The following SORBS2 variants were observed in gnomAD, a reference collection of about 807,000 sequenced individuals.
The protein encoded by SORBS2 is sorbin and SH3 domain-containing protein 2.
Under a neutral mutation model 97.7 loss-of-function variants are expected in SORBS2, and 46 were observed. The observed-to-expected ratio is 0.47, with a 90% CI of 0.37 to 0.60. The LOEUF is 0.60. SORBS2 is among the 20% of genes least tolerant of loss of function. The pLI is 0.00. For missense variants in SORBS2, 1,316 were observed against 1,282.3 expected (o/e 1.03, Z -0.40); for synonymous variants, 476 against 473.4 (o/e 1.01, Z -0.07).
At chr4:185,771,379 T>A (rs1366944832) in intron 2 of SORBS2, 2 of 152,258 alleles carry the variant, frequency 1.3e-5, no homozygotes, top group African/African-American at 4.8e-5. Context: ...AGTGAGAGCT[T>A]CCTTGTGGGA....
In SORBS2 at chr4:185,595,553, T is replaced by C. The variant is rs577152809; in HGVS notation, c.2797-1618A>G. Among the ~76,000 whole-genome samples the C allele has an allele frequency of 2.0e-5, 3 of 152,280 alleles. No homozygotes were observed. In the South Asian group the frequency reaches 6.2e-4, roughly 32 times the overall value. On this transcript the variant is annotated intron_variant, in intron 12 of 14. Transcript: ENST00000418609. ...TCTCTTCCAGTCCAATAAAACTTTA[T>C]ATATGTATAAAACTTTCATGCAGAA...
chr4:185,613,424 C>T (rs780878088), intron 11 of SORBS2, among the ~76,000 whole-genome samples: 2 of 151,988 alleles, frequency 1.3e-5, no homozygotes, highest in Admixed American at 1.3e-4. Context: ...CCAAGGCGGG[C>T]GGATCATGAG....
intron 1 of SORBS2, among the ~76,000 whole-genome samples, chr4:185,945,051 T>C (rs2099273906): frequency 6.6e-6 from 1 of 152,208 alleles, no homozygotes; most frequent in Non-Finnish European, 1.5e-5. Context: ...AATCACACTA[T>C]GCAACGTGCT....
Position 185,611,988 on chromosome 4 carries a change from G to C in SORBS2, c.2596-8C>G, listed in dbSNP as rs2096545546. The C allele has an allele frequency of 6.7e-7, 1 of 1,501,522 alleles. No homozygotes were observed. Among genetic ancestry groups the C allele is most frequent in the South Asian group, 1.1e-5 (1 of 87,678 alleles). The allele number at this position is 1,501,522 out of a possible 1,614,324, so 93.0% of individuals were successfully genotyped here. A position where few individuals can be genotyped will look rare whatever the true frequency, so the allele number is the denominator to read the frequency against. Reference sequence around the variant, plus strand: ...AAGAATAACTCTATCTCCCTGTTATGAATATGAGAAAAATGCATTAGAAAC... The same window carrying C: ...AAGAATAACTCTATCTCCCTGTTATCAATATGAGAAAAATGCATTAGAAAC... On this transcript the variant is annotated splice_region_variant and splice_polypyrimidine_tract_variant and intron_variant, in intron 11 of 14. Transcript: ENST00000418609.
chr4:185,617,643 T>C (rs116398074), intron 9 of SORBS2, among the ~76,000 whole-genome samples: 2,822 of 152,272 alleles, frequency 0.019, 86 homozygotes, highest in African/African-American at 0.064. Flanking sequence ...TCTGTGCACA[T>C]AGGCCACAAA....
intron 2 of SORBS2, among the ~76,000 whole-genome samples, chr4:185,751,190 A>AAGAAAAAAAAAAAAAAAAAAAAAAG (rs2098798091): frequency 1.2e-5 from 1 of 86,426 alleles, no homozygotes; most frequent in Non-Finnish European, 2.5e-5. Context: ...AAAAAAAAAA[A>AAGAAAAAAAAAAAAAAAAAAAAAAG]AGAGAAAGAG....
At chr4:185,752,832 C>G (rs1185386758) in intron 2 of SORBS2, among the ~76,000 whole-genome samples, 1 of 152,148 alleles carries the variant, frequency 6.6e-6, no homozygotes, top group Non-Finnish European at 1.5e-5. Flanking sequence ...CCCATTTAGT[C>G]ATGCAAAATA....
At chr4:185,605,826 C>G (rs1483343315) in intron 12 of SORBS2, among the ~76,000 whole-genome samples, 1 of 152,212 alleles carries the variant, frequency 6.6e-6, no homozygotes, top group African/African-American at 2.4e-5. Context: ...CTCAGGTGAT[C>G]TGCCTGCCTC....
intron 1 of SORBS2, among the ~76,000 whole-genome samples, chr4:185,655,131 T>C (rs893426298): frequency 1.3e-5 from 2 of 152,208 alleles, no homozygotes; most frequent in Non-Finnish European, 2.9e-5. Flanking sequence ...AAGGTTCACA[T>C]AGATGTCCCA....
At chr4:185,732,274 G>T (rs1267752446) in intron 2 of SORBS2, among the ~76,000 whole-genome samples, 1 of 152,186 alleles carries the variant, frequency 6.6e-6, no homozygotes, top group Non-Finnish European at 1.5e-5. Context: ...TCCCTTGGAA[G>T]ATAATCTCAA....
At chr4:185,711,448 A>G (rs542023684) in intron 2 of SORBS2, among the ~76,000 whole-genome samples, 9 of 152,348 alleles carry the variant, frequency 5.9e-5, no homozygotes, top group African/African-American at 2.2e-4. Flanking sequence ...AGAAATGTAT[A>G]GGTCTAACCA....
At chr4:185,602,309 A>C (rs2096282557) in intron 12 of SORBS2, among the ~76,000 whole-genome samples, 1 of 152,196 alleles carries the variant, frequency 6.6e-6, no homozygotes, top group South Asian at 2.1e-4. Context: ...TGCCCAGCCA[A>C]TTTATACTAT....
chr4:185,633,868 C>T (rs1308988929), intron 4 of SORBS2, among the ~76,000 whole-genome samples: 1 of 151,600 alleles, frequency 6.6e-6, no homozygotes, highest in African/African-American at 2.4e-5. Context: ...GAACCAACTA[C>T]CTTAAAAACA....
At chr4:185,803,842 C>CCCT (rs2099141742) in intron 1 of SORBS2, among the ~76,000 whole-genome samples, 1 of 152,158 alleles carries the variant, frequency 6.6e-6, no homozygotes, top group African/African-American at 2.4e-5. Context: ...TATTATCAGT[C>CCCT]ATCTGAGTTA....
At chr4:185,746,170 C>T (rs945457212) in intron 2 of SORBS2, among the ~76,000 whole-genome samples, 4 of 152,136 alleles carry the variant, frequency 2.6e-5, no homozygotes, top group African/African-American at 7.2e-5. Flanking sequence ...AGGACTCACT[C>T]GCGACAGAAT....
intron 2 of SORBS2, among the ~76,000 whole-genome samples, chr4:185,697,550 C>T (rs922049566): frequency 5.9e-5 from 9 of 152,178 alleles, no homozygotes; most frequent in Non-Finnish European, 1.3e-4. Flanking sequence ...CAGCTATAGA[C>T]AATGCTACTG....
intron 1 of SORBS2, chr4:185,956,107 T>C (rs1579668525): frequency 6.6e-6 from 1 of 152,340 alleles, no homozygotes; most frequent in Non-Finnish European, 1.5e-5. Context: ...AAAGCATTAC[T>C]AGAAAGCAGG....
chr4:185,742,601 A>G (rs1236909590), intron 2 of SORBS2, among the ~76,000 whole-genome samples: 2 of 152,244 alleles, frequency 1.3e-5, no homozygotes, highest in African/African-American at 4.8e-5. Context: ...TATACATCAT[A>G]GAGCCTTTGA....
rs570638865 is a variant in SORBS2, at chr4:185,696,882, C to T, written c.-197-18060G>A. On this transcript the variant is annotated intron_variant, in intron 2 of 20. Coordinates refer to the SORBS2 transcript ENST00000284776. ...TTGATAGTACAGTATTAGGAGAATT[C>T]CATTGGCTTATAATGTGCAAATCAA... 2.6e-5 allele frequency among the ~76,000 whole-genome samples: 4 copies of T among 152,246 alleles called. No individual in the cohort carries two copies. In the East Asian group the frequency reaches 7.7e-4, roughly 29 times the overall value.
Sources: gnomAD v4.1 joint callset for allele counts (sites outside exome capture counted in the v4.1 genomes callset) on GRCh38, gnomAD v4.1.1 for gene constraint, MANE v1.5 for transcripts, NCBI Gene and HGNC (gene_info 2026-07-23, HGNC 2026-07-21) for gene names.